CTNNAL1: variants seen among roughly 807,000 people sequenced by gnomAD.
CTNNAL1 encodes the protein alpha-catulin.
In CTNNAL1, 69 loss-of-function variants were observed where a neutral mutation model predicts 93.6. The ratio of observed to expected loss-of-function variants is 0.74; its 90% confidence interval spans 0.61 to 0.90. CTNNAL1 has a LOEUF of 0.90. Ranked by LOEUF, CTNNAL1 falls within the 40% of genes least tolerant of loss-of-function variation. CTNNAL1 has a pLI of 0.00. For synonymous variants in CTNNAL1, 286 were observed against 305.4 expected, an observed-to-expected ratio of 0.94 and a Z score of 0.66; for missense variants, 836 against 862.0, an observed-to-expected ratio of 0.97 and a Z score of 0.38.
At chr9:108,984,534 T>C in intron 4 of CTNNAL1, 98 bp from the exon 5 acceptor site, 1 of 507,878 alleles carries the variant, frequency 2.0e-6, no homozygotes, top group Non-Finnish European at 3.4e-6. Context: ...AAGAATTCAC[T>C]AACATTGTTA....
intron 12 of CTNNAL1, among the ~76,000 whole-genome samples, chr9:108,954,488 A>G (rs1395745765): frequency 1.3e-5 from 2 of 152,264 alleles, no homozygotes; most frequent in Non-Finnish European, 2.9e-5. Context: ...GCCCTAAATT[A>G]TAGCACTTAC....
At chr9:109,002,306 G>A (rs1826859220) in intron 1 of CTNNAL1, among the ~76,000 whole-genome samples, 1 of 152,104 alleles carries the variant, frequency 6.6e-6, no homozygotes, top group African/African-American at 2.4e-5. Flanking sequence ...AGGCTCCCTT[G>A]TGACCTAATC....
chr9:108,968,732 T>C (rs1831026600), intron 10 of CTNNAL1, among the ~76,000 whole-genome samples: 1 of 152,152 alleles, frequency 6.6e-6, no homozygotes, highest in Non-Finnish European at 1.5e-5. Context: ...CCCTCCAACA[T>C]CCAACATGAT....
In CTNNAL1 at chr9:108,944,140, T is replaced by G. The variant is rs28361181; in HGVS notation, c.1885-122A>C. On this transcript the variant is annotated intron_variant, in intron 15 of 18. Transcript: ENST00000325551. ...ATAAAGCCTAGATATAAAAAGTCTG[T>G]CAGGAACTCCTAAACTTTTTCCAGT... The G allele has an allele frequency of 3.2e-3, 3,047 of 955,162 alleles. 69 individuals carry two copies. The African/African-American group carries it at 0.044, about 14-fold the overall frequency. The allele number at this position is 955,162 out of a possible 1,614,324, so 59.2% of individuals were successfully genotyped here. A position where few individuals can be genotyped will look rare whatever the true frequency, so the allele number is the denominator to read the frequency against.
chr9:108,959,457 G>A (rs1475182496), intron 11 of CTNNAL1, among the ~76,000 whole-genome samples: 4 of 151,028 alleles, frequency 2.6e-5, no homozygotes, highest in Non-Finnish European at 5.9e-5. Context: ...GGGCATGGTG[G>A]CCAGCACCTG....
At chr9:108,986,786 A>G (rs1444915582) in intron 4 of CTNNAL1, among the ~76,000 whole-genome samples, 12 of 152,204 alleles carry the variant, frequency 7.9e-5, no homozygotes, top group East Asian at 7.7e-4. Flanking sequence ...CAGTGATGAT[A>G]AGCATTTTTT....
rs1831144723 is a variant in CTNNAL1, at chr9:108,972,598, T to C, written c.1347+77A>G. ...GCTCAGATAAATTAACCCAAAACTG[T>C]ATTTGTGTTAACATTCCCACATAGT... is the stretch of plus-strand genomic sequence containing the variant. On this transcript the variant is annotated intron_variant, in intron 9 of 18. Coordinates refer to ENST00000325551, the MANE Select transcript of CTNNAL1 (RefSeq NM_003798.4). The C allele has an allele frequency of 5.6e-6, 7 of 1,246,962 alleles. No homozygotes were observed. The South Asian group carries it at 8.4e-5, about 15-fold the overall frequency. 77.2% of individuals were successfully genotyped at this position (1,246,962 alleles called of 1,614,324 possible). A position where few individuals can be genotyped will look rare whatever the true frequency, so the allele number is the denominator to read the frequency against.
chr9:108,954,796 G>A (rs1189495531), intron 12 of CTNNAL1, among the ~76,000 whole-genome samples: 1 of 151,580 alleles, frequency 6.6e-6, no homozygotes, highest in Non-Finnish European at 1.5e-5. Flanking sequence ...TTGATTTGGG[G>A]ATTTGATTTA....
intron 14 of CTNNAL1, among the ~76,000 whole-genome samples, chr9:108,949,537 A>C (rs1830498132): frequency 6.6e-6 from 1 of 152,140 alleles, no homozygotes; most frequent in Non-Finnish European, 1.5e-5. Context: ...GCGAAACGCT[A>C]TCTCTACTAA....
At position 108,952,424 on chromosome 9, in the gene CTNNAL1, G is replaced by C. The variant is rs942012630; in HGVS notation, c.1680+20C>G. The C allele has an allele frequency of 1.2e-6, 2 of 1,614,184 alleles. No homozygotes were observed. Among genetic ancestry groups the C allele is most frequent in the Non-Finnish European group, 1.7e-6 (2 of 1,180,026 alleles). On this transcript the variant is annotated intron_variant, in intron 13 of 18. Coordinates refer to ENST00000325551, the MANE Select transcript of CTNNAL1 (RefSeq NM_003798.4). ...CACTATTCATGTTAAAGGAAGATTAGATGTAGGAATTGGTCTTACCTCAGA... is the reference window on the plus strand; with the variant it reads ...CACTATTCATGTTAAAGGAAGATTACATGTAGGAATTGGTCTTACCTCAGA...
At chr9:108,963,069 A>T (rs1454165974) in intron 11 of CTNNAL1, among the ~76,000 whole-genome samples, 1 of 152,162 alleles carries the variant, frequency 6.6e-6, no homozygotes, top group East Asian at 1.9e-4. Flanking sequence ...AAGGAAAAAA[A>T]TTACTTATAT....
chr9:108,970,172 T>A (rs1036597205), intron 10 of CTNNAL1, among the ~76,000 whole-genome samples: 1 of 152,242 alleles, frequency 6.6e-6, no homozygotes, highest in African/African-American at 2.4e-5. Flanking sequence ...AAAATAGATA[T>A]AAACTAGAGT....
chr9:108,993,241 TCTCCACAAGCTGAACGGC>T (rs1163487841), intron 2 of CTNNAL1, among the ~76,000 whole-genome samples: 1 of 152,044 alleles, frequency 6.6e-6, no homozygotes, highest in East Asian at 1.9e-4. Flanking sequence ...TCACTGCCAA[TCTCCACAAGCTGAACGGC>T]CTTGGGTTTT....
At position 108,950,665 on chromosome 9, in the gene CTNNAL1, A is replaced by AT. The variant is rs1241578840; in HGVS notation, c.1835+1543dup. Reference sequence around the variant, plus strand: ...TTCTGTCTGCTGCCTCACCTATCCCATCCCATAAAAGGAGGTGGATGCTCA... The same window carrying AT: ...TTCTGTCTGCTGCCTCACCTATCCCATTCCCATAAAAGGAGGTGGATGCTCA... On this transcript the variant is annotated intron_variant, in intron 14 of 18. Transcript: ENST00000325551. 35 of 1,511,656 alleles carry AT rather than the reference A, an allele frequency of 2.3e-5. No individual in the cohort carries two copies. The East Asian group carries it at 7.9e-4, about 34-fold the overall frequency. 93.6% of individuals were successfully genotyped at this position (1,511,656 alleles called of 1,614,324 possible).
At chr9:109,008,850 C>T (rs1372123105) in intron 1 of CTNNAL1, among the ~76,000 whole-genome samples, 1 of 134,844 alleles carries the variant, frequency 7.4e-6, no homozygotes, top group East Asian at 2.2e-4. Context: ...TAATGACTTA[C>T]GTTTTCCTTT....
chr9:109,005,254 C>T (rs926937286), intron 1 of CTNNAL1, among the ~76,000 whole-genome samples: 1 of 151,734 alleles, frequency 6.6e-6, no homozygotes, highest in Admixed American at 6.6e-5. Flanking sequence ...GGAATTGTTA[C>T]TATCACATGA....
intron 2 of CTNNAL1, 68 bp from the exon 3 acceptor site, chr9:108,992,887 C>A (rs1831868099): frequency 2.0e-6 from 3 of 1,484,070 alleles, no homozygotes; most frequent in Non-Finnish European, 2.7e-6. Flanking sequence ...TCTCTCTAAC[C>A]TTGAAGGTAA....
At chr9:108,977,441 T>A (rs1293030073) in intron 7 of CTNNAL1, 1 of 153,018 alleles carries the variant, frequency 6.5e-6, no homozygotes, top group African/African-American at 2.4e-5. Flanking sequence ...ATCTTTAAGA[T>A]CTTACATAAA....
At chr9:108,991,006 G>C (rs1831779613) in intron 3 of CTNNAL1, among the ~76,000 whole-genome samples, 161 bp from the exon 4 acceptor site, 1 of 152,186 alleles carries the variant, frequency 6.6e-6, no homozygotes, top group South Asian at 2.1e-4. Context: ...CAGAGAAGTA[G>C]AAGTAGATTC....
Sources: allele counts gnomAD v4.1 joint callset (sites outside exome capture counted in the v4.1 genomes callset), GRCh38; gene constraint gnomAD v4.1.1; transcripts MANE v1.5; gene names NCBI Gene and HGNC (gene_info 2026-07-23, HGNC 2026-07-21).